Variants in ZC3H11A observed in about 807,000 individuals in gnomAD.
The protein encoded by ZC3H11A is zinc finger CCCH domain-containing protein 11A.
A neutral mutation model predicts 90.8 loss-of-function variants in ZC3H11A; 22 were observed. The observed-to-expected ratio is 0.24, with a 90% CI of 0.17 to 0.35. The LOEUF is 0.35. ZC3H11A is among the 10% of genes least tolerant of loss of function. The pLI, the probability that ZC3H11A is intolerant of heterozygous loss-of-function variation, is 1.00. For missense variants in ZC3H11A, 701 were observed against 964.9 expected (o/e 0.73, Z 3.62); for synonymous variants, 294 against 339.8 (o/e 0.87, Z 1.48).
Position 203,847,435 on chromosome 1 carries a change from A to G in ZC3H11A, c.1294A>G (p.Ile432Val). 6.2e-7 allele frequency: 1 copy of G among 1,614,038 alleles called. No individual in the cohort carries two copies. The highest frequency in any genetic ancestry group is 8.5e-7 in the Non-Finnish European group (1 of 1,179,874). The stretch of plus-strand genomic sequence containing the variant: ...AAAAAGCAAAAAGGATACAACTTGC[A>G]TCAAGCTAAAGATTGATAGTGAAAT... ...RQKSKKDTTC[I>V]KLKIDSEIKK... Residue 432 changes from isoleucine to valine, a missense_variant, in exon 13 of 18, where the codon ATC becomes GTC. Ile to Val is a conservative substitution (Grantham distance 29). Coordinates refer to ENST00000367210, the MANE Select transcript of ZC3H11A (RefSeq NM_001376342.1).
chr1:203,825,143 A>G (rs916039745), intron 4 of ZC3H11A, among the ~76,000 whole-genome samples: 8 of 151,880 alleles, frequency 5.3e-5, no homozygotes, highest in East Asian at 3.9e-4. Flanking sequence ...TTACAGTGCT[A>G]TTTGTCTTGC....
intron 2 of ZC3H11A, among the ~76,000 whole-genome samples, chr1:203,806,968 T>C (rs192620830): frequency 2.4e-4 from 36 of 152,080 alleles, no homozygotes; most frequent in African/African-American, 7.9e-4. Flanking sequence ...CCTTTTACTC[T>C]AGTAAATATA....
Position 203,847,541 on chromosome 1 carries a change from A to T in ZC3H11A, c.1400A>T (p.Gln467Leu). The T allele has an allele frequency of 6.2e-7, 1 of 1,614,008 alleles. No individual in the cohort carries two copies. The change falls in exon 13 of 18, where the codon CAG becomes CTG. Residue 467 changes from glutamine (Q) to leucine (L), a missense_variant. Transcript: ENST00000367210. ...EEPAGKTKSM[Q>L]EVHIKTLEEI... ...CCTGCAGGTAAAACAAAGTCTATGCAGGAGGTGCACATCAAGACGCTGGAA... is the reference window on the plus strand; with the variant it reads ...CCTGCAGGTAAAACAAAGTCTATGCTGGAGGTGCACATCAAGACGCTGGAA...
intron 16 of ZC3H11A, among the ~76,000 whole-genome samples, 156 bp from the exon 17 acceptor site, chr1:203,850,901 T>C (rs191407592): frequency 6.6e-6 from 1 of 152,242 alleles, no homozygotes; most frequent in African/African-American, 2.4e-5. Context: ...CAAGATATTT[T>C]GCTTATTTAT....
intron 2 of ZC3H11A, among the ~76,000 whole-genome samples, chr1:203,812,802 G>C (rs1489600481): frequency 6.6e-6 from 1 of 151,976 alleles, no homozygotes; most frequent in African/African-American, 2.4e-5. Context: ...AGCTCGTCTT[G>C]AACTCCTGAC....
At chr1:203,845,953 G>A (rs1687773240) in intron 12 of ZC3H11A, among the ~76,000 whole-genome samples, 1 of 151,928 alleles carries the variant, frequency 6.6e-6, no homozygotes, top group Non-Finnish European at 1.5e-5. Flanking sequence ...ATACTCAGGA[G>A]TTTGGAAAGT....
chr1:203,840,618 T>TTATG (rs1685800451), intron 12 of ZC3H11A, among the ~76,000 whole-genome samples: 1 of 149,794 alleles, frequency 6.7e-6, no homozygotes, highest in African/African-American at 2.4e-5. Flanking sequence ...ATTTATTTAT[T>TTATG]TATTTATTTA....
rs765738552 is a variant in ZC3H11A at position 203,851,114 on chromosome 1, C to T, written c.2164C>T (p.Pro722Ser). Residue 722 changes from proline to serine, a missense_variant, in exon 17 of 18, where the codon CCT (proline) becomes TCT (serine). Transcript: ENST00000367210. ...AGTCACTGTGCCTGAAGCAGAAAAT[C>T]CTAGAGACAGGTAATACTTTGTAAT... ...KSVTVPEAEN[P>S]RDSLVLPPTQ... 27 of 1,614,160 alleles carry T rather than the reference C, an allele frequency of 1.7e-5. No homozygotes were observed. Among genetic ancestry groups the T allele is most frequent in the South Asian group, 2.2e-5 (2 of 91,078 alleles).
chr1:203,803,398 C>T (rs1300545217), intron 2 of ZC3H11A, among the ~76,000 whole-genome samples: 1 of 152,092 alleles, frequency 6.6e-6, no homozygotes, highest in Non-Finnish European at 1.5e-5. Context: ...ACCATCTTGG[C>T]CAGGCTGGTC....
At position 203,795,650 on chromosome 1, in the gene ZC3H11A, CTTTGACGCTG is replaced by C. The variant is rs553429727; in HGVS notation, c.-1731_-1722del. 926 of 152,342 alleles carry C rather than the reference CTTTGACGCTG, an allele frequency of 6.1e-3. 5 individuals are homozygous for C. Among genetic ancestry groups the C allele is most frequent in the Non-Finnish European group, 7.1e-3 (483 of 68,052 alleles). 9.4% of individuals were successfully genotyped at this position (152,342 alleles called of 1,614,324 possible). On this transcript the variant is annotated 5_prime_UTR_variant, in exon 1 of 18. Coordinates refer to ENST00000367210, the MANE Select transcript of ZC3H11A (RefSeq NM_001376342.1). ...AGCGGAGCCTGTAGCCAGGCGCCAT[CTTTGACGCTG>C]GCAGTCTTGGTTTTCTGCTAGTGCT...
rs1688285607 is a variant in ZC3H11A at position 203,847,762 on chromosome 1, A to G, written c.1546+75A>G. 2.6e-6 allele frequency: 4 copies of G among 1,536,756 alleles called. No homozygotes were observed. The South Asian group carries it at 5.1e-5, about 20-fold the overall frequency. ...GAGGAGTGTTCCGTGGGATCTTCCTAGGAGTTGTTTGACAACCTTTCTTTA... is the reference window on the plus strand; with the variant it reads ...GAGGAGTGTTCCGTGGGATCTTCCTGGGAGTTGTTTGACAACCTTTCTTTA... On this transcript the variant is annotated intron_variant, in intron 13 of 17. Coordinates refer to ENST00000367210, the MANE Select transcript of ZC3H11A (RefSeq NM_001376342.1).
At chr1:203,814,597 ATAAGTACCT>A (rs1275797528) in intron 2 of ZC3H11A, among the ~76,000 whole-genome samples, 1 of 152,166 alleles carries the variant, frequency 6.6e-6, no homozygotes, top group Non-Finnish European at 1.5e-5. Flanking sequence ...AAACCTCACC[ATAAGTACCT>A]TAAGTACCTT....
At chr1:203,797,382 G>T in intron 1 of ZC3H11A, 1 of 759,232 alleles carries the variant, frequency 1.3e-6, no homozygotes, top group East Asian at 2.9e-5. Context: ...ACCTGGCTTG[G>T]AAGTTATTGG....
intron 11 of ZC3H11A, 71 bp downstream of exon 11, chr1:203,838,135 A>G (rs1028227820): frequency 2.2e-6 from 3 of 1,389,962 alleles, no homozygotes; most frequent in Non-Finnish European, 2.0e-6. Flanking sequence ...GCTAACAGCT[A>G]TGGTTTTTCA....
At chr1:203,841,859 C>T (rs564520862) in intron 12 of ZC3H11A, among the ~76,000 whole-genome samples, 51 of 142,524 alleles carry the variant, frequency 3.6e-4, no homozygotes, top group Non-Finnish European at 6.4e-4. Flanking sequence ...GGCTGCCGGG[C>T]GGAGGGGCTC....
At chr1:203,830,925 A>ATTTTATTT (rs1682066696) in intron 8 of ZC3H11A, among the ~76,000 whole-genome samples, 1 of 51,352 alleles carries the variant, frequency 1.9e-5, no homozygotes, top group Admixed American at 2.9e-4. Context: ...CCAACCCCCA[A>ATTTTATTT]TTTTTTTTTT....
intron 1 of ZC3H11A, chr1:203,800,458 C>T (rs543043223): frequency 3.8e-5 from 56 of 1,480,700 alleles, no homozygotes; most frequent in Non-Finnish European, 2.7e-6. Context: ...GAAATACTGC[C>T]TTAATTTCTT....
chr1:203,828,491 T>C, intron 5 of ZC3H11A, 69 bp downstream of exon 5: 1 of 1,521,322 alleles, frequency 6.6e-7, no homozygotes, highest in Non-Finnish European at 8.9e-7. Flanking sequence ...ACAACAGTAC[T>C]TTTCAGACAT....
intron 10 of ZC3H11A, chr1:203,835,839 A>G (rs775185322): frequency 8.2e-5 from 20 of 243,910 alleles, no homozygotes; most frequent in African/African-American, 1.6e-4. Context: ...AAGAAAAGCT[A>G]TGTGCTCCCT....
Sources: gnomAD v4.1 joint callset for allele counts (sites outside exome capture counted in the v4.1 genomes callset) on GRCh38, gnomAD v4.1.1 for gene constraint, MANE v1.5 for transcripts, NCBI Gene and HGNC (gene_info 2026-07-23, HGNC 2026-07-21) for gene names.